ESR1: variants seen among roughly 807,000 people sequenced by gnomAD.
ESR1 encodes the protein estrogen receptor 1.
In ESR1, 12 loss-of-function variants were observed where a neutral mutation model predicts 52.7. The observed-to-expected ratio is 0.23, with a 90% confidence interval of 0.15 to 0.37. ESR1 has a LOEUF of 0.37. Ranked by LOEUF, ESR1 falls within the 10% of genes least tolerant of loss-of-function variation. ESR1 has a pLI of 1.00. For missense variants in ESR1, 584 were observed against 779.7 expected, an observed-to-expected ratio of 0.75 and a Z score of 2.99; for synonymous variants, 305 against 316.8, an observed-to-expected ratio of 0.96 and a Z score of 0.39.
At chr6:152,114,869 T>C (rs1451974639) in intron 6 of ESR1, among the ~76,000 whole-genome samples, 48 of 114,370 alleles carry the variant, frequency 4.2e-4, no homozygotes, top group Admixed American at 1.6e-3. Context: ...CCAGCCTGGG[T>C]GACAGAGCTA....
intron 2 of ESR1, among the ~76,000 whole-genome samples, chr6:151,704,850 A>G (rs945117843): frequency 2.6e-5 from 4 of 152,048 alleles, no homozygotes; most frequent in African/African-American, 9.7e-5. Context: ...CAATGATATG[A>G]CAGGACATGA....
At chr6:151,767,688 G>A (rs1363356063) in intron 2 of ESR1, among the ~76,000 whole-genome samples, 1 of 152,162 alleles carries the variant, frequency 6.6e-6, no homozygotes, top group African/African-American at 2.4e-5. Flanking sequence ...TTCACAAAGG[G>A]AGATGTCAAA....
chr6:151,689,550 C>A (rs1298199020), upstream of ESR1, among the ~76,000 whole-genome samples: 1 of 152,186 alleles, frequency 6.6e-6, no homozygotes, highest in Admixed American at 6.5e-5. Flanking sequence ...CAGTTAAGAT[C>A]ATTGATTTCA....
At chr6:151,717,285 T>C (rs1031972418) in intron 2 of ESR1, among the ~76,000 whole-genome samples, 2 of 152,266 alleles carry the variant, frequency 1.3e-5, no homozygotes, top group African/African-American at 2.4e-5. Context: ...AGCTGCAGAC[T>C]GGAGCTGTTC....
At chr6:151,848,493 T>G (rs3866462) in intron 2 of ESR1, among the ~76,000 whole-genome samples, 2 of 146,986 alleles carry the variant, frequency 1.4e-5, no homozygotes, top group Non-Finnish European at 3.0e-5. Context: ...AAAAAAAATT[T>G]AAAAAAAAAA....
intron 1 of ESR1, among the ~76,000 whole-genome samples, chr6:151,693,824 G>T (rs1323327644): frequency 6.6e-6 from 1 of 152,108 alleles, no homozygotes; most frequent in Admixed American, 6.5e-5. Context: ...TACCATGTTG[G>T]CCAGGCTGGT....
Position 152,100,085 on chromosome 6 carries a change from G to C in ESR1, c.*1119G>C. On this transcript the variant is annotated 3_prime_UTR_variant, in exon 8 of 8. Coordinates refer to ENST00000206249, the MANE Select transcript of ESR1 (RefSeq NM_000125.4). ...CTGAGGCACAGCCAGACTTGCTCAGGGTGGCCCTGCCACAGGCTGCAGCTA... is the reference window on the plus strand; with the variant it reads ...CTGAGGCACAGCCAGACTTGCTCAGCGTGGCCCTGCCACAGGCTGCAGCTA... 1 of 398,894 alleles carries C rather than the reference G, an allele frequency of 2.5e-6. No individual in the cohort carries two copies. 24.7% of individuals were successfully genotyped at this position (398,894 alleles called of 1,614,324 possible). A position where few individuals can be genotyped will look rare whatever the true frequency, so the allele number is the denominator to read the frequency against.
chr6:151,941,272 G>A (rs543592537), intron 3 of ESR1, among the ~76,000 whole-genome samples: 56 of 152,040 alleles, frequency 3.7e-4, no homozygotes, highest in Non-Finnish European at 7.4e-4. Context: ...TGTAATCACT[G>A]CTGCATCTTT....
chr6:151,700,816 A>G (rs1057366210), intron 1 of ESR1, among the ~76,000 whole-genome samples: 3 of 152,058 alleles, frequency 2.0e-5, no homozygotes, highest in African/African-American at 7.2e-5. Flanking sequence ...CCCCCACTCT[A>G]TCATGTCTTG....
rs182821027 is a variant in ESR1 at position 151,895,915 on chromosome 6, G to A, written c.760+15144G>A. 5.2e-3 allele frequency among the ~76,000 whole-genome samples: 786 copies of A among 152,228 alleles called. 6 individuals carry two copies. The highest frequency in any genetic ancestry group is 0.014 in the African/African-American group (595 of 41,532). On this transcript the variant is annotated intron_variant, in intron 3 of 7. Transcript: ENST00000206249. ...AGCGATTCTCCTGCCTCAGCTCCCTGAGTCGCTAGGATTACAGGCACCTGC... is the reference window on the plus strand; with the variant it reads ...AGCGATTCTCCTGCCTCAGCTCCCTAAGTCGCTAGGATTACAGGCACCTGC...
chr6:151,985,736 C>T lies in ESR1; in HGVS notation c.1097-25920C>T, dbSNP rs199918037. 3.9e-5 allele frequency among the ~76,000 whole-genome samples: 6 copies of T among 151,986 alleles called. No homozygotes were observed. In the South Asian group the frequency reaches 8.3e-4, roughly 21 times the overall value. ...AGGCTGGAGTGCAGTGGCATGTTTT[C>T]GGCTCACTGCAACCTCCGCCTCCTG... On this transcript the variant is annotated intron_variant, in intron 4 of 7. Transcript: ENST00000206249.
intron 2 of ESR1, among the ~76,000 whole-genome samples, chr6:151,797,251 G>A (rs1330020568): frequency 6.6e-6 from 1 of 152,204 alleles, no homozygotes; most frequent in Non-Finnish European, 1.5e-5. Flanking sequence ...TTGAATGAAT[G>A]TAGCATTTAT....
At chr6:151,811,308 CATCTT>C (rs1180986295) in intron 1 of ESR1, 1 of 152,176 alleles carries the variant, frequency 6.6e-6, no homozygotes, top group African/African-American at 2.4e-5. Flanking sequence ...AACAGGGAGT[CATCTT>C]ATCCTGGGTT....
At chr6:151,946,386 A>G (rs1421143240) in intron 4 of ESR1, among the ~76,000 whole-genome samples, 4 of 152,216 alleles carry the variant, frequency 2.6e-5, no homozygotes, top group Non-Finnish European at 1.5e-5. Context: ...CATTTTAAAC[A>G]ACTGGAATTA....
rs1794408726 is a variant in ESR1, at chr6:151,889,647, A to ATTTTATTT, written c.760+8877_760+8884dup. On this transcript the variant is annotated intron_variant, in intron 3 of 7. Transcript: ENST00000206249. ...CTTTTGTTTTGTGTTTTTAGTCTCA[A>ATTTTATTT]TTTTATTTATTTTTCCTCCGATCTT... 4.6e-5 allele frequency among the ~76,000 whole-genome samples: 7 copies of ATTTTATTT among 152,060 alleles called. 1 individual carries two copies. In the South Asian group the frequency reaches 1.2e-3, roughly 27 times the overall value.
At chr6:152,087,044 G>C (rs1055288154) in intron 6 of ESR1, among the ~76,000 whole-genome samples, 1 of 152,204 alleles carries the variant, frequency 6.6e-6, no homozygotes, top group Non-Finnish European at 1.5e-5. Flanking sequence ...GAAGTCTTCA[G>C]TAATGTTGAG....
At chr6:151,981,287 T>G (rs1584625086) in intron 4 of ESR1, among the ~76,000 whole-genome samples, 2 of 152,130 alleles carry the variant, frequency 1.3e-5, no homozygotes, top group East Asian at 1.9e-4. Context: ...TTTTCAAGGG[T>G]GGGTCTGAAA....
downstream of ESR1, among the ~76,000 whole-genome samples, chr6:152,107,696 T>C (rs969736131): frequency 6.6e-6 from 1 of 152,224 alleles, no homozygotes; most frequent in Admixed American, 6.5e-5. Context: ...CTGAACATTT[T>C]AGATACCCTA....
intron 3 of ESR1, among the ~76,000 whole-genome samples, chr6:151,903,530 A>G (rs576940838): frequency 1.3e-3 from 197 of 152,224 alleles, no homozygotes; most frequent in African/African-American, 4.5e-3. Flanking sequence ...ACAGAACCCC[A>G]TCTACACTAG....
Sources: gnomAD v4.1 joint callset for allele counts (sites outside exome capture counted in the v4.1 genomes callset) on GRCh38, gnomAD v4.1.1 for gene constraint, MANE v1.5 for transcripts, NCBI Gene and HGNC (gene_info 2026-07-23, HGNC 2026-07-21) for gene names.